The following GRM8 variants were observed in gnomAD, a reference collection of about 807,000 sequenced individuals.
GRM8 encodes glutamate metabotropic receptor 8, also known as metabotropic glutamate receptor 8.
In GRM8, 47 loss-of-function variants were observed where a neutral mutation model predicts 87.2. The ratio of observed to expected loss-of-function variants is 0.54; its 90% CI spans 0.43 to 0.69. The LOEUF is 0.69. Ranked by LOEUF, GRM8 falls within the 30% of genes least tolerant of loss-of-function variation. The probability of loss-of-function intolerance (pLI) is 0.00; values close to 1 mark genes in which losing one functional copy is unlikely to be tolerated. For synonymous variants in GRM8, 396 were observed against 404.5 expected, an observed-to-expected ratio of 0.98 and a Z score of 0.25; for missense variants, 1,019 against 1,139.2, an observed-to-expected ratio of 0.89 and a Z score of 1.52.
chr7:126,565,267 G>A lies in GRM8; in HGVS notation c.1495-31380C>T, dbSNP rs80164154. ...AGCAAAATTGTCCCTGTTTGCAGATGACATCATTTTATGTATAGAAAACTC... is the reference window on the plus strand; with the variant it reads ...AGCAAAATTGTCCCTGTTTGCAGATAACATCATTTTATGTATAGAAAACTC... On this transcript the variant is annotated intron_variant, in intron 8 of 10. Coordinates refer to ENST00000339582, the MANE Select transcript of GRM8 (RefSeq NM_000845.3). 4.6e-5 allele frequency among the ~76,000 whole-genome samples: 7 copies of A among 152,154 alleles called. No homozygotes were observed. In the East Asian group the frequency reaches 1.4e-3, roughly 29 times the overall value.
chr7:126,503,062 G>C (rs568929242), intron 9 of GRM8, among the ~76,000 whole-genome samples: 1 of 152,056 alleles, frequency 6.6e-6, no homozygotes, highest in African/African-American at 2.4e-5. Context: ...ATCAACCAAA[G>C]TGATTTCCAG....
At chr7:127,248,978 T>C (rs561889948) in intron 1 of GRM8, among the ~76,000 whole-genome samples, 3 of 152,200 alleles carry the variant, frequency 2.0e-5, no homozygotes, top group East Asian at 1.9e-4. Context: ...CTGAAGAAAG[T>C]GGTGACAAGA....
At chr7:126,956,547 CAT>C (rs1563352713) in intron 3 of GRM8, among the ~76,000 whole-genome samples, 6 of 152,136 alleles carry the variant, frequency 3.9e-5, no homozygotes, top group Admixed American at 3.9e-4. Flanking sequence ...AGGTTTGTTA[CAT>C]ATATATACAT....
At chr7:127,137,889 T>C (rs578244696) in intron 2 of GRM8, among the ~76,000 whole-genome samples, 101 of 152,322 alleles carry the variant, frequency 6.6e-4, no homozygotes, top group Non-Finnish European at 1.0e-3. Context: ...ATTTTTTACC[T>C]GACTCTAAAC....
chr7:126,754,577 T>C (rs1434698448), intron 7 of GRM8, among the ~76,000 whole-genome samples: 1 of 151,960 alleles, frequency 6.6e-6, no homozygotes, highest in Non-Finnish European at 1.5e-5. Flanking sequence ...AATATCTCTA[T>C]GAAGTTAGAA....
At chr7:127,229,180 T>C (rs746669052) in intron 2 of GRM8, 31 of 152,162 alleles carry the variant, frequency 2.0e-4, no homozygotes, top group Non-Finnish European at 2.1e-4. Context: ...TAAATATAAG[T>C]CTTAATTAAA....
At chr7:127,024,076 G>A (rs959832728) in intron 3 of GRM8, among the ~76,000 whole-genome samples, 5 of 152,034 alleles carry the variant, frequency 3.3e-5, no homozygotes, top group African/African-American at 1.2e-4. Context: ...TTTTAAAAGA[G>A]GGAATTTAGT....
chr7:126,939,840 C>A (rs954002411), intron 3 of GRM8, among the ~76,000 whole-genome samples: 2 of 152,240 alleles, frequency 1.3e-5, no homozygotes, highest in South Asian at 2.1e-4. Flanking sequence ...GCATCCACAA[C>A]ATTGTTTCTT....
chr7:126,473,428 G>A (rs1805535142), intron 9 of GRM8, among the ~76,000 whole-genome samples: 1 of 152,132 alleles, frequency 6.6e-6, no homozygotes, highest in South Asian at 2.1e-4. Context: ...CTTCATTTTG[G>A]CGAATTTCTC....
chr7:126,989,376 T>C (rs182749977), intron 3 of GRM8, among the ~76,000 whole-genome samples: 1 of 152,348 alleles, frequency 6.6e-6, no homozygotes, highest in African/African-American at 2.4e-5. Flanking sequence ...ATAACTCTGC[T>C]TCAAAGCTTG....
intron 9 of GRM8, among the ~76,000 whole-genome samples, chr7:126,509,661 A>T (rs538303094): frequency 1.3e-5 from 2 of 152,028 alleles, no homozygotes; most frequent in Non-Finnish European, 2.9e-5. Context: ...TTTTAAAATG[A>T]GGCTTAATTG....
chr7:126,524,778 C>T (rs1187307570), intron 9 of GRM8, among the ~76,000 whole-genome samples: 4 of 151,976 alleles, frequency 2.6e-5, no homozygotes, highest in Non-Finnish European at 5.9e-5. Flanking sequence ...CACATCTGTT[C>T]AGCTTTTTAT....
chr7:126,690,330 A>T (rs1808665635), intron 7 of GRM8, among the ~76,000 whole-genome samples: 1 of 152,206 alleles, frequency 6.6e-6, no homozygotes, highest in Non-Finnish European at 1.5e-5. Context: ...GGATCCAGCA[A>T]CTGTGCACAG....
chr7:126,984,040 A>G (rs1811802154), intron 3 of GRM8, among the ~76,000 whole-genome samples: 1 of 152,052 alleles, frequency 6.6e-6, no homozygotes, highest in African/African-American at 2.4e-5. Context: ...TCTTCATTTT[A>G]TTTCCTTTTT....
At chr7:126,954,362 C>A (rs570644212) in intron 3 of GRM8, among the ~76,000 whole-genome samples, 180 of 152,198 alleles carry the variant, frequency 1.2e-3, no homozygotes, top group African/African-American at 4.2e-3. Context: ...GGGCTACATG[C>A]CCTGGAAATA....
intron 8 of GRM8, among the ~76,000 whole-genome samples, chr7:126,557,166 C>T (rs966552679): frequency 1.1e-4 from 17 of 152,152 alleles, no homozygotes; most frequent in African/African-American, 4.1e-4. Flanking sequence ...TGCAGAAGAC[C>T]TCACACTGCC....
chr7:126,507,381 G>A (rs1301018110), intron 9 of GRM8, among the ~76,000 whole-genome samples: 1 of 151,978 alleles, frequency 6.6e-6, no homozygotes, highest in African/African-American at 2.4e-5. Context: ...CACGTCTTAT[G>A]GTGTCAGTGT....
At chr7:126,484,586 C>T (rs188466260) in intron 9 of GRM8, among the ~76,000 whole-genome samples, 1 of 150,440 alleles carries the variant, frequency 6.6e-6, no homozygotes, top group Non-Finnish European at 1.5e-5. Context: ...AATTACTTTA[C>T]TTACTACTAC....
intron 6 of GRM8, among the ~76,000 whole-genome samples, chr7:126,863,446 TACTATG>T (rs1204823659): frequency 6.6e-6 from 1 of 152,160 alleles, no homozygotes; most frequent in African/African-American, 2.4e-5. Flanking sequence ...ACGCACAAGG[TACTATG>T]ATGATCAGTA....
Sources: gnomAD v4.1 joint callset for allele counts (sites outside exome capture counted in the v4.1 genomes callset) on GRCh38, gnomAD v4.1.1 for gene constraint, MANE v1.5 for transcripts, NCBI Gene and HGNC (gene_info 2026-07-23, HGNC 2026-07-21) for gene names.